The following ABCC8 variants were observed in gnomAD, a reference collection of about 807,000 sequenced individuals.
ABCC8 encodes ATP binding cassette subfamily C member 8.
Under a neutral mutation model 188.0 loss-of-function variants are expected in ABCC8, and 137 were observed. That is an observed-to-expected ratio of 0.73 (90% CI 0.63 to 0.84). The LOEUF (loss-of-function observed/expected upper bound fraction) is 0.84, where lower values mean the gene tolerates loss of function less well. Ranked by LOEUF, ABCC8 falls within the 40% of genes least tolerant of loss-of-function variation. ABCC8 has a pLI of 0.00. For missense variants in ABCC8, 1,750 were observed against 2,072.7 expected, an observed-to-expected ratio of 0.84 and a Z score of 3.02; for synonymous variants, 797 against 846.5, an observed-to-expected ratio of 0.94 and a Z score of 1.01.
rs1216578075 is a variant in ABCC8 at position 17,398,255 on chromosome 11, C to T, written c.3753+84G>A. On this transcript the variant is annotated intron_variant, in intron 30 of 38. Coordinates refer to ENST00000389817, the MANE Select transcript of ABCC8 (RefSeq NM_000352.6). ...TCCACACGATCTGGTATCCTATCCT[C>T]TCTTTCATCCCCAGGTACCTGTGTG... 7 of 1,540,764 alleles carry T rather than the reference C, an allele frequency of 4.5e-6. No individual in the cohort carries two copies. The Admixed American group carries it at 8.9e-5, about 20-fold the overall frequency.
At chr11:17,397,967 C>T (rs1954032192) in intron 30 of ABCC8, 170 bp from the exon 31 acceptor site, 1 of 848,166 alleles carries the variant, frequency 1.2e-6, no homozygotes. Flanking sequence ...GCTGGAGCCC[C>T]AGGAGCCAAC....
In ABCC8 at chr11:17,430,705, G is replaced by C. The variant is rs1955805761; in HGVS notation, c.1817+109C>G. ...CCAGCTACAGCAAGGCCCAGCAATGGGGGTGTGTTCCGGGACCAAACAGCT... is the reference window on the plus strand; with the variant it reads ...CCAGCTACAGCAAGGCCCAGCAATGCGGGTGTGTTCCGGGACCAAACAGCT... On this transcript the variant is annotated intron_variant, in intron 12 of 38. Coordinates refer to ENST00000389817, the MANE Select transcript of ABCC8 (RefSeq NM_000352.6). 1.6e-5 allele frequency: 20 copies of C among 1,277,322 alleles called. 1 individual carries two copies. In the South Asian group the frequency reaches 2.4e-4, roughly 15 times the overall value. The allele number at this position is 1,277,322 out of a possible 1,614,324, so 79.1% of individuals were successfully genotyped here. A position where few individuals can be genotyped will look rare whatever the true frequency, so the allele number is the denominator to read the frequency against.
chr11:17,453,058 C>T, intron 7 of ABCC8, 61 bp downstream of exon 7: 1 of 1,409,972 alleles, frequency 7.1e-7, no homozygotes, highest in Non-Finnish European at 1.0e-6. Context: ...GAATAACACT[C>T]ATGGACATTA....
intron 4 of ABCC8, 107 bp from the exon 5 acceptor site, chr11:17,461,932 A>G (rs1957209184): frequency 6.5e-7 from 1 of 1,544,184 alleles, no homozygotes; most frequent in African/African-American, 1.4e-5. Flanking sequence ...TTGATCTCTA[A>G]CAGATGGGGC....
At chr11:17,457,978 T>G (rs1957054994) in intron 6 of ABCC8, among the ~76,000 whole-genome samples, 1 of 152,134 alleles carries the variant, frequency 6.6e-6, no homozygotes, top group Non-Finnish European at 1.5e-5. Flanking sequence ...AGAATAGCAC[T>G]CGGTTCTCTC....
At chr11:17,437,261 A>C (rs1489476682) in intron 10 of ABCC8, among the ~76,000 whole-genome samples, 2 of 152,176 alleles carry the variant, frequency 1.3e-5, no homozygotes, top group Non-Finnish European at 2.9e-5. Flanking sequence ...ACAAAACAAC[A>C]AATCAACAAA....
At chr11:17,421,801 G>A (rs12279699) in intron 16 of ABCC8, among the ~76,000 whole-genome samples, 9,377 of 152,260 alleles carry the variant, frequency 0.062, 447 homozygotes, top group Non-Finnish European at 0.086. Flanking sequence ...TACTGCTCAC[G>A]TGGTCACTGG....
chr11:17,466,770 A>T (rs1004456259), intron 3 of ABCC8, among the ~76,000 whole-genome samples: 1 of 150,608 alleles, frequency 6.6e-6, no homozygotes, highest in African/African-American at 2.5e-5. Context: ...GCCTCCCATG[A>T]TACTCCCACC....
chr11:17,412,956 T>C (rs558710389), intron 20 of ABCC8: 12 of 1,096,824 alleles, frequency 1.1e-5, no homozygotes, highest in East Asian at 1.1e-4. Context: ...TAAAGATTCA[T>C]TGTGTAGGCG....
intron 3 of ABCC8, among the ~76,000 whole-genome samples, chr11:17,466,495 C>T (rs1848158473): frequency 6.6e-6 from 1 of 151,608 alleles, no homozygotes; most frequent in South Asian, 2.1e-4. Flanking sequence ...TGGTGGTCGT[C>T]AGGGGCTGTA....
Position 17,454,480 on chromosome 11 carries a change from G to A in ABCC8, c.1012-1197C>T, listed in dbSNP as rs569803745. Among the ~76,000 whole-genome samples, 23 of 152,246 alleles carry A rather than the reference G, an allele frequency of 1.5e-4. No homozygotes were observed. In the East Asian group the frequency reaches 4.3e-3, roughly 28 times the overall value. On this transcript the variant is annotated intron_variant, in intron 6 of 38. Transcript: ENST00000389817. ...AAGACTCTAAGAGGAAGGCCCTACC[G>A]AGGCTCTCTGTCCCATTTGCCAGTG...
intron 10 of ABCC8, among the ~76,000 whole-genome samples, chr11:17,434,530 C>T (rs978860178): frequency 1.3e-5 from 2 of 152,150 alleles, no homozygotes; most frequent in Non-Finnish European, 2.9e-5. Context: ...AGCAACAAAC[C>T]ATCCCAAACG....
At chr11:17,468,074 C>T (rs1209728539) in intron 3 of ABCC8, among the ~76,000 whole-genome samples, 1 of 152,192 alleles carries the variant, frequency 6.6e-6, no homozygotes, top group Non-Finnish European at 1.5e-5. Context: ...CAGGGTGGCT[C>T]TCTGAAGCCT....
intron 31 of ABCC8, 24 bp downstream of exon 31, chr11:17,397,660 C>T (rs1954010267): frequency 6.2e-7 from 1 of 1,607,820 alleles, no homozygotes; most frequent in Non-Finnish European, 8.5e-7. Context: ...GACCCCTCCT[C>T]TGCCCTAGCC....
intron 1 of ABCC8, 48 bp downstream of exon 1, chr11:17,476,581 C>T: frequency 6.3e-7 from 1 of 1,595,866 alleles, no homozygotes; most frequent in African/African-American, 1.3e-5. Flanking sequence ...CTCCTCCTCC[C>T]TCCCTGCTCT....
intron 16 of ABCC8, among the ~76,000 whole-genome samples, chr11:17,417,811 G>A (rs552147986): frequency 1.3e-4 from 20 of 152,032 alleles, no homozygotes; most frequent in African/African-American, 3.9e-4. Context: ...GTACAATGGC[G>A]TGATCTTGGC....
intron 11 of ABCC8, 69 bp downstream of exon 11, chr11:17,432,135 G>T: frequency 1.3e-6 from 2 of 1,544,700 alleles, no homozygotes; most frequent in Non-Finnish European, 1.8e-6. Context: ...CCAAATCTGG[G>T]CAGCCTGTCA....
At chr11:17,418,052 T>C (rs1373570413) in intron 16 of ABCC8, among the ~76,000 whole-genome samples, 1 of 152,160 alleles carries the variant, frequency 6.6e-6, no homozygotes, top group Non-Finnish European at 1.5e-5. Context: ...GCCACCGTGC[T>C]CAGCCAGTAT....
At chr11:17,472,515 A>T (rs4148601) in intron 2 of ABCC8, among the ~76,000 whole-genome samples, 46,928 of 152,010 alleles carry the variant, frequency 0.31, 7,308 homozygotes, top group Middle Eastern at 0.45. Context: ...CTGCCCCCTA[A>T]ATTTCCAGAC....
Sources: gnomAD v4.1 joint callset for allele counts (sites outside exome capture counted in the v4.1 genomes callset) on GRCh38, gnomAD v4.1.1 for gene constraint, MANE v1.5 for transcripts, NCBI Gene and HGNC (gene_info 2026-07-23, HGNC 2026-07-21) for gene names.